Variants in MLC1 observed in about 807,000 individuals in gnomAD.
MLC1 encodes the protein modulator of VRAC current 1, also known as membrane protein MLC1.
A neutral mutation model predicts 44.7 loss-of-function variants in MLC1; 32 were observed. The ratio of observed to expected loss-of-function variants is 0.72; its 90% CI spans 0.54 to 0.96. MLC1 has a LOEUF of 0.96. MLC1 is among the 40% of genes least tolerant of loss of function. The probability of loss-of-function intolerance (pLI) is 0.00; values close to 1 mark genes in which losing one functional copy is unlikely to be tolerated. For missense variants in MLC1, 459 were observed against 492.2 expected (o/e 0.93, Z 0.64); for synonymous variants, 190 against 213.0 (o/e 0.89, Z 0.94).
chr22:50,082,709 G>A (rs939859415), intron 3 of MLC1, among the ~76,000 whole-genome samples: 2 of 152,166 alleles, frequency 1.3e-5, no homozygotes, highest in African/African-American at 4.8e-5. Flanking sequence ...TCATTGCCCA[G>A]GCTGGAGTGC....
At chr22:50,070,296 C>G (rs2061819318) in intron 9 of MLC1, among the ~76,000 whole-genome samples, 1 of 152,374 alleles carries the variant, frequency 6.6e-6, no homozygotes, top group East Asian at 1.9e-4. Context: ...GAGAGCGCTT[C>G]CAGTGTCTAC....
At chr22:50,067,947 A>G (rs1223511948) in intron 10 of MLC1, among the ~76,000 whole-genome samples, 1 of 149,752 alleles carries the variant, frequency 6.7e-6, no homozygotes, top group Admixed American at 6.8e-5. Flanking sequence ...AACCACTTAT[A>G]CTGGAAAAAA....
rs1301809418 is a variant in MLC1 at position 50,083,207 on chromosome 22, G to A, written c.178-34C>T. ...CAGCGACAGAATCCCAGGTTACAAC[G>A]CGCCCCGTCCCCAGGCTGGACCCTG... On this transcript the variant is annotated intron_variant, in intron 2 of 11. Coordinates refer to ENST00000311597, the MANE Select transcript of MLC1 (RefSeq NM_015166.4). The surrounding 1 kb of genome is among the most constrained non-coding windows in gnomAD (Gnocchi z 4.6). 4.4e-6 allele frequency: 7 copies of A among 1,582,226 alleles called. No individual in the cohort carries two copies. Among genetic ancestry groups the A allele is most frequent in the East Asian group, 2.2e-5 (1 of 44,728 alleles).
At chr22:50,064,998 C>G (rs1392128814) in intron 10 of MLC1, among the ~76,000 whole-genome samples, 1 of 152,202 alleles carries the variant, frequency 6.6e-6, no homozygotes, top group Non-Finnish European at 1.5e-5. Context: ...GATCTCGGCT[C>G]GCTGCAACCT....
chr22:50,082,676 T>G (rs1381423807), intron 3 of MLC1, among the ~76,000 whole-genome samples: 2 of 152,178 alleles, frequency 1.3e-5, no homozygotes, highest in Non-Finnish European at 2.9e-5. Context: ...TTGTTGTTGT[T>G]GTTTTGAGAC....
chr22:50,081,838 T>G (rs902974630), intron 3 of MLC1, among the ~76,000 whole-genome samples: 2 of 152,214 alleles, frequency 1.3e-5, no homozygotes, highest in African/African-American at 4.8e-5. Flanking sequence ...CTTGCCCATA[T>G]CCGGCAGCCG....
In MLC1 at chr22:50,074,289, A is replaced by G; in HGVS notation, c.641T>C (p.Ile214Thr). ...TGAGTCATCCACGTTCAGGGCAATGATCCCCCCGAGGACGGCAGAGATGCC... is the reference window on the plus strand; with the variant it reads ...TGAGTCATCCACGTTCAGGGCAATGGTCCCCCCGAGGACGGCAGAGATGCC... ...IAGISAVLGG[I>T]IALNVDDSVS... Residue 214 changes from isoleucine (I) to threonine (T), a missense_variant, in exon 8 of 12, where the codon ATC (isoleucine) becomes ACC (threonine). By Grantham distance (89) the Ile-to-Thr change is moderately conservative (BLOSUM62 -1). Coordinates refer to ENST00000311597, the MANE Select transcript of MLC1 (RefSeq NM_015166.4). 6.2e-7 allele frequency: 1 copy of G among 1,614,134 alleles called. No homozygotes were observed. Among genetic ancestry groups the G allele is most frequent in the Non-Finnish European group, 8.5e-7 (1 of 1,180,038 alleles).
chr22:50,071,286 T>C (rs1246652104), intron 8 of MLC1, among the ~76,000 whole-genome samples: 1 of 152,158 alleles, frequency 6.6e-6, no homozygotes, highest in Non-Finnish European at 1.5e-5. Context: ...GAGACGGGGT[T>C]TCGCCTTGTT....
chr22:50,069,761 A>C (rs2061803918), intron 9 of MLC1, among the ~76,000 whole-genome samples: 1 of 151,992 alleles, frequency 6.6e-6, no homozygotes, highest in Admixed American at 6.6e-5. Flanking sequence ...CTTTTAACCC[A>C]CCCCAAATCT....
intron 11 of MLC1, 60 bp from the exon 12 acceptor site, chr22:50,061,717 G>T: frequency 6.7e-7 from 1 of 1,483,748 alleles, no homozygotes; most frequent in Non-Finnish European, 9.4e-7. Context: ...CGGGAAGGTG[G>T]ACACGCCACT....
At chr22:50,082,704 G>A (rs2062176735) in intron 3 of MLC1, among the ~76,000 whole-genome samples, 1 of 152,100 alleles carries the variant, frequency 6.6e-6, no homozygotes, top group South Asian at 2.1e-4. Context: ...CACTCTCATT[G>A]CCCAGGCTGG....
intron 10 of MLC1, among the ~76,000 whole-genome samples, chr22:50,067,637 C>T (rs1229649092): frequency 2.0e-5 from 2 of 102,018 alleles, no homozygotes; most frequent in Non-Finnish European, 3.9e-5. Flanking sequence ...CTCCATCCCC[C>T]ATCAGACAGT....
chr22:50,062,125 C>T (rs139523825), intron 11 of MLC1, among the ~76,000 whole-genome samples: 15,505 of 145,906 alleles, frequency 0.11, 1,021 homozygotes, highest in South Asian at 0.2. Flanking sequence ...AGTTGTCCAC[C>T]CTGAGCCCCA....
intron 5 of MLC1, among the ~76,000 whole-genome samples, chr22:50,079,500 C>CTTTTTTTTTT (rs55760839): frequency 5.3e-5 from 4 of 75,822 alleles, no homozygotes; most frequent in Non-Finnish European, 7.4e-5. Context: ...GGATTTTTGT[C>CTTTTTTTTTT]TTTTTTTTTT....
Position 50,061,481 on chromosome 22 carries a change from G to T in MLC1, c.*102C>A. ...CAGCCTGGTTTGCCCTCACACAAGGGAAAAGAGGTGTTAGAAGCAGTAGCT... is the reference window on the plus strand; with the variant it reads ...CAGCCTGGTTTGCCCTCACACAAGGTAAAAGAGGTGTTAGAAGCAGTAGCT... On this transcript the variant is annotated 3_prime_UTR_variant, in exon 12 of 12. Coordinates refer to ENST00000311597, the MANE Select transcript of MLC1 (RefSeq NM_015166.4). The T allele has an allele frequency of 7.8e-7, 1 of 1,284,624 alleles. No homozygotes were observed. Among genetic ancestry groups the T allele is most frequent in the Non-Finnish European group, 1.1e-6 (1 of 890,956 alleles). 79.6% of individuals were successfully genotyped at this position (1,284,624 alleles called of 1,614,324 possible).
Position 50,061,565 on chromosome 22 carries a change from G to C in MLC1, c.*18C>G. Reference sequence around the variant, plus strand: ...GGGGCCAGGCTGGGCGCTGCCACCCGGTTTCCGCGTCTGGGGGTCACTGGG... The same window carrying C: ...GGGGCCAGGCTGGGCGCTGCCACCCCGTTTCCGCGTCTGGGGGTCACTGGG... On this transcript the variant is annotated 3_prime_UTR_variant, in exon 12 of 12. Transcript: ENST00000311597. 6.2e-7 allele frequency: 1 copy of C among 1,612,642 alleles called. No individual in the cohort carries two copies. Among genetic ancestry groups the C allele is most frequent in the Non-Finnish European group, 8.5e-7 (1 of 1,179,414 alleles).
In MLC1 at chr22:50,069,097, G is replaced by T. The variant is rs2061788912; in HGVS notation, c.772-542C>A. ...GCAGGAGTGCGGTGGCACAATCTCT[G>T]ATCACTGCAACCTCTGCCTCCTGGG... On this transcript the variant is annotated intron_variant, in intron 9 of 11. Transcript: ENST00000311597. Among the ~76,000 whole-genome samples the T allele has an allele frequency of 2.0e-5, 3 of 151,824 alleles. No individual in the cohort carries two copies. In the South Asian group the frequency reaches 6.3e-4, roughly 32 times the overall value.
At position 50,074,226 on chromosome 22, in the gene MLC1, A is replaced by G; in HGVS notation, c.704T>C (p.Ile235Thr). Residue 235 changes from isoleucine to threonine, a missense_variant, in exon 8 of 12, where the codon ATC becomes ACC. Physicochemically the swap from Ile to Thr is moderately conservative, Grantham distance 89. Transcript: ENST00000311597. Reference protein sequence around the residue: ...GPHLSVTFFWILVACFPSAIA... With the variant: ...GPHLSVTFFWTLVACFPSAIA... Reference sequence around the variant, plus strand: ...AGAGGGGTTACTCACGGCCACTAGGATCCAAAAGAACGTCACTGAGAGGTG... The same window carrying G: ...AGAGGGGTTACTCACGGCCACTAGGGTCCAAAAGAACGTCACTGAGAGGTG... 1 of 1,613,242 alleles carries G rather than the reference A, an allele frequency of 6.2e-7. No homozygotes were observed. The highest frequency in any genetic ancestry group is 8.5e-7 in the Non-Finnish European group (1 of 1,179,724).
intron 10 of MLC1, among the ~76,000 whole-genome samples, chr22:50,065,421 TA>T (rs1569242663): frequency 6.6e-6 from 1 of 151,764 alleles, no homozygotes; most frequent in Non-Finnish European, 1.5e-5. Context: ...CTTAACTATT[TA>T]AAAAAATAGC....
Sources: allele counts gnomAD v4.1 joint callset (sites outside exome capture counted in the v4.1 genomes callset), GRCh38; gene constraint gnomAD v4.1.1; non-coding constraint Gnocchi (gnomAD v3.1); transcripts MANE v1.5; gene names NCBI Gene and HGNC (gene_info 2026-07-23, HGNC 2026-07-21).